Variants in FAM120A observed in about 807,000 individuals in gnomAD.
The protein encoded by FAM120A is family with sequence similarity 120 member A, also known as constitutive coactivator of PPAR-gamma-like protein 1.
Under a neutral mutation model 109.7 loss-of-function variants are expected in FAM120A, and 15 were observed. That is an observed-to-expected ratio of 0.14 (90% CI 0.09 to 0.21). The LOEUF is 0.21. FAM120A is among the 10% of genes least tolerant of loss of function. The probability of loss-of-function intolerance (pLI) is 1.00; values close to 1 mark genes in which losing one functional copy is unlikely to be tolerated. For missense variants in FAM120A, 899 were observed against 1,439.3 expected (o/e 0.62, Z 6.07); for synonymous variants, 493 against 572.8 (o/e 0.86, Z 1.99).
intron 10 of FAM120A, among the ~76,000 whole-genome samples, chr9:93,538,697 C>T (rs543459787): frequency 2.0e-5 from 3 of 152,310 alleles, no homozygotes; most frequent in South Asian, 2.1e-4. Context: ...CTTTATAATA[C>T]GGTCTTACAG....
chr9:93,501,425 G>T (rs1338004921), intron 5 of FAM120A, among the ~76,000 whole-genome samples: 1 of 152,110 alleles, frequency 6.6e-6, no homozygotes, highest in Non-Finnish European at 1.5e-5. Flanking sequence ...TATTTTAGAG[G>T]TGAAGTTTAC....
chr9:93,479,726 G>A (rs1334178225), intron 3 of FAM120A, among the ~76,000 whole-genome samples: 1 of 152,156 alleles, frequency 6.6e-6, no homozygotes, highest in Non-Finnish European at 1.5e-5. Context: ...TTTATAAGTA[G>A]CATCCTTAGA....
At chr9:93,562,113 G>C in intron 16 of FAM120A, 95 bp from the exon 17 acceptor site, 8 of 1,081,386 alleles carry the variant, frequency 7.4e-6, no homozygotes, top group Non-Finnish European at 1.1e-5. Context: ...TTCATAAAAC[G>C]TAAGATTGGA....
At chr9:93,544,518 G>A (rs930369639) in intron 11 of FAM120A, among the ~76,000 whole-genome samples, 6 of 152,208 alleles carry the variant, frequency 3.9e-5, no homozygotes, top group African/African-American at 9.6e-5. Flanking sequence ...GAGTTGATTC[G>A]TTTGGTTTGG....
intron 17 of FAM120A, among the ~76,000 whole-genome samples, chr9:93,563,924 C>T (rs765604850): frequency 6.6e-6 from 1 of 152,174 alleles, no homozygotes; most frequent in Non-Finnish European, 1.5e-5. Context: ...TATTGAGGGG[C>T]ATTTGTTACT....
chr9:93,457,083 CTAAG>C (rs1445908665), intron 1 of FAM120A, among the ~76,000 whole-genome samples: 1 of 152,198 alleles, frequency 6.6e-6, no homozygotes, highest in Non-Finnish European at 1.5e-5. Context: ...ACTTTTAAGG[CTAAG>C]TAATACTCCA....
intron 5 of FAM120A, among the ~76,000 whole-genome samples, chr9:93,509,456 T>C (rs549866840): frequency 2.0e-5 from 3 of 152,374 alleles, no homozygotes; most frequent in African/African-American, 7.2e-5. Context: ...TACTCTGCAA[T>C]GTGGAGGTGC....
chr9:93,549,534 T>C (rs1862021550), intron 11 of FAM120A, among the ~76,000 whole-genome samples: 1 of 152,200 alleles, frequency 6.6e-6, no homozygotes, highest in Non-Finnish European at 1.5e-5. Flanking sequence ...GGATGAATAT[T>C]AATTAATACA....
rs116335165 is a variant in FAM120A, at chr9:93,492,466, G to C, written c.805-5005G>C. On this transcript the variant is annotated intron_variant, in intron 3 of 17. Transcript: ENST00000277165. ...CACTTTCTCATGTGGCAGGGGTGGG[G>C]TTTGTTGATGGGACCAAGCCCTTAG... 3.6e-3 allele frequency among the ~76,000 whole-genome samples: 551 copies of C among 152,302 alleles called. 4 individuals are homozygous for C. The highest frequency in any genetic ancestry group is 0.012 in the African/African-American group (513 of 41,560).
Position 93,498,290 on chromosome 9 carries a change from TGCTGAG to T in FAM120A, c.934-497_934-492del, listed in dbSNP as rs1859658266. Among the ~76,000 whole-genome samples, 1 of 152,150 alleles carries T rather than the reference TGCTGAG, an allele frequency of 6.6e-6. No individual in the cohort carries two copies. The highest frequency in any genetic ancestry group is 1.9e-4 in the East Asian group (1 of 5,202). ...CGCCTGTAATGCCAGCTACTCGGGA[TGCTGAG>T]GCAGGAGAATCGCTTGAAACCGTAA... On this transcript the variant is annotated intron_variant, in intron 4 of 17. Transcript: ENST00000277165. The surrounding 1 kb of genome is among the most constrained non-coding windows in gnomAD (Gnocchi z 4.4).
chr9:93,452,279 A>G lies in FAM120A; in HGVS notation c.364A>G (p.Ile122Val), dbSNP rs760085883. 1 of 1,612,544 alleles carries G rather than the reference A, an allele frequency of 6.2e-7. No individual in the cohort carries two copies. The highest frequency in any genetic ancestry group is 8.5e-7 in the Non-Finnish European group (1 of 1,179,830). Residue 122 changes from isoleucine to valine, a missense_variant, in exon 1 of 18, where the codon ATC (isoleucine) becomes GTC (valine). By Grantham distance (29) the Ile-to-Val change is conservative. Coordinates refer to ENST00000277165, the MANE Select transcript of FAM120A (RefSeq NM_014612.5). The surrounding 1 kb of genome is among the most constrained non-coding windows in gnomAD (Gnocchi z 7.0). ...CAACGAGCGCCAGACGGCACAGCAGATCGTCAGCCATGTCCAGAACAAGGG... is the reference window on the plus strand; with the variant it reads ...CAACGAGCGCCAGACGGCACAGCAGGTCGTCAGCCATGTCCAGAACAAGGG... ...QGNERQTAQQ[I>V]VSHVQNKGTP...
chr9:93,457,618 CA>C (rs1857608317), intron 1 of FAM120A, among the ~76,000 whole-genome samples: 1 of 152,112 alleles, frequency 6.6e-6, no homozygotes, highest in Admixed American at 6.5e-5. Flanking sequence ...ATAGAGTCAA[CA>C]TTACCAGAAC....
chr9:93,560,174 A>C (rs1427777474), intron 15 of FAM120A, among the ~76,000 whole-genome samples: 1 of 152,142 alleles, frequency 6.6e-6, no homozygotes, highest in Non-Finnish European at 1.5e-5. Context: ...GCACACCTGT[A>C]GTCCCAGCTA....
At chr9:93,541,083 GT>G (rs751824150) in intron 10 of FAM120A, among the ~76,000 whole-genome samples, 28 of 128,382 alleles carry the variant, frequency 2.2e-4, no homozygotes, top group Admixed American at 2.2e-3. Flanking sequence ...GTGGTGGGGG[GT>G]GTGTGTGGTG....
At chr9:93,470,806 CCT>C (rs537919778) in intron 1 of FAM120A, among the ~76,000 whole-genome samples, 2 of 152,166 alleles carry the variant, frequency 1.3e-5, no homozygotes, top group South Asian at 4.1e-4. Flanking sequence ...TCTTTCTCCC[CCT>C]CTCTTTCTTG....
chr9:93,538,542 GCCA>G (rs1233193537), intron 10 of FAM120A, among the ~76,000 whole-genome samples: 1 of 152,144 alleles, frequency 6.6e-6, no homozygotes, highest in Non-Finnish European at 1.5e-5. Flanking sequence ...AGTCTAGTCG[GCCA>G]CCATCTTGGA....
intron 3 of FAM120A, among the ~76,000 whole-genome samples, chr9:93,493,625 T>C (rs1353698729): frequency 6.6e-6 from 1 of 152,212 alleles, no homozygotes; most frequent in Non-Finnish European, 1.5e-5. Context: ...CGGCTGATGT[T>C]CTGCCAAGTC....
At chr9:93,540,063 T>C (rs1346457562) in intron 10 of FAM120A, among the ~76,000 whole-genome samples, 1 of 152,236 alleles carries the variant, frequency 6.6e-6, no homozygotes, top group Admixed American at 6.5e-5. Context: ...TGTTTAATCA[T>C]CAGGACTGTG....
chr9:93,458,267 T>C (rs998311219), intron 1 of FAM120A, among the ~76,000 whole-genome samples: 1 of 152,082 alleles, frequency 6.6e-6, no homozygotes, highest in Non-Finnish European at 1.5e-5. Context: ...TTAACACTTC[T>C]GAACGCTGTG....
Sources: gnomAD v4.1 joint callset for allele counts (sites outside exome capture counted in the v4.1 genomes callset) on GRCh38, gnomAD v4.1.1 for gene constraint, Gnocchi (gnomAD v3.1) non-coding constraint, MANE v1.5 for transcripts, NCBI Gene and HGNC (gene_info 2026-07-23, HGNC 2026-07-21) for gene names.